The following UNC5D variants were observed in gnomAD, a reference collection of about 807,000 sequenced individuals.
UNC5D encodes the protein netrin receptor UNC5D.
UNC5D carries 39 observed loss-of-function variants against 105.4 expected under a neutral mutation model. The ratio of observed to expected loss-of-function variants is 0.37; its 90% CI spans 0.29 to 0.48. The LOEUF is 0.48. Among genes scored for constraint, UNC5D ranks in the 20% least tolerant of loss-of-function variants. The pLI is 0.98. For synonymous variants in UNC5D, 452 were observed against 450.4 expected (o/e 1.00, Z -0.04); for missense variants, 991 against 1,202.4 (o/e 0.82, Z 2.60).
intron 4 of UNC5D, among the ~76,000 whole-genome samples, chr8:35,667,097 C>CCAGAG (rs1326553904): frequency 6.6e-6 from 1 of 152,014 alleles, no homozygotes; most frequent in Non-Finnish European, 1.5e-5. Context: ...TCTTAGAGAT[C>CCAGAG]CAGAGCTTTA....
chr8:35,235,592 C>T lies in UNC5D; in HGVS notation c.-193C>T, dbSNP rs115017574. ...GCCGCGCCGTGGGAAGCTATGGGGA[C>T]GCGCCCTTTCTCGGGGTGCCCATTC... On this transcript the variant is annotated 5_prime_UTR_variant, in exon 1 of 17. The change creates a new upstream start codon in the 5' untranslated region. Transcript: ENST00000404895. The T allele has an allele frequency of 0.015, 6,075 of 407,900 alleles. 352 individuals are homozygous for T. The highest frequency in any genetic ancestry group is 0.12 in the African/African-American group (5,674 of 48,446). The allele number at this position is 407,900 out of a possible 1,614,324, so 25.3% of individuals were successfully genotyped here.
chr8:35,387,629 T>C (rs1162280027), intron 1 of UNC5D, among the ~76,000 whole-genome samples: 1 of 152,158 alleles, frequency 6.6e-6, no homozygotes, highest in Non-Finnish European at 1.5e-5. Flanking sequence ...CTACCCGTAT[T>C]TGACGCTCAG....
intron 1 of UNC5D, among the ~76,000 whole-genome samples, chr8:35,402,899 CCT>C (rs1804564150): frequency 6.6e-6 from 1 of 152,152 alleles, no homozygotes. Flanking sequence ...CATATTCGTG[CCT>C]ACCTTGGATC....
At chr8:35,760,572 G>A (rs1042404052) in intron 14 of UNC5D, among the ~76,000 whole-genome samples, 7 of 152,034 alleles carry the variant, frequency 4.6e-5, no homozygotes, top group Admixed American at 1.3e-4. Flanking sequence ...TACAGTAAGC[G>A]GCTAGCTAGC....
At chr8:35,765,965 GAGT>G (rs1801748043) in intron 14 of UNC5D, among the ~76,000 whole-genome samples, 1 of 152,188 alleles carries the variant, frequency 6.6e-6, no homozygotes, top group Admixed American at 6.5e-5. Context: ...AGCCACATTT[GAGT>G]AGAAAGGAGA....
intron 4 of UNC5D, among the ~76,000 whole-genome samples, chr8:35,618,319 AT>A (rs1821158031): frequency 6.6e-6 from 1 of 152,234 alleles, no homozygotes; most frequent in Non-Finnish European, 1.5e-5. Flanking sequence ...GATAATGCAC[AT>A]TGTACATTGG....
intron 1 of UNC5D, among the ~76,000 whole-genome samples, chr8:35,245,557 T>A (rs1228459666): frequency 6.6e-6 from 1 of 151,986 alleles, no homozygotes; most frequent in Non-Finnish European, 1.5e-5. Flanking sequence ...GATATAAGGG[T>A]TTGGGGGTTT....
intron 1 of UNC5D, among the ~76,000 whole-genome samples, chr8:35,375,749 A>G (rs748870650): frequency 2.0e-5 from 3 of 152,200 alleles, no homozygotes; most frequent in South Asian, 2.1e-4. Flanking sequence ...CTAAAGCTAT[A>G]AAGGAATTGT....
intron 1 of UNC5D, among the ~76,000 whole-genome samples, chr8:35,257,964 T>C (rs2128818581): frequency 1.3e-5 from 2 of 152,358 alleles, no homozygotes; most frequent in Non-Finnish European, 2.9e-5. Flanking sequence ...GTACATTTAT[T>C]GTATACACAT....
At chr8:35,241,851 C>A (rs1802826350) in intron 1 of UNC5D, among the ~76,000 whole-genome samples, 1 of 152,082 alleles carries the variant, frequency 6.6e-6, no homozygotes, top group South Asian at 2.1e-4. Context: ...GAATTGTTCT[C>A]TTTCAGCTAT....
chr8:35,503,643 G>A (rs187839347), intron 1 of UNC5D, among the ~76,000 whole-genome samples: 73 of 152,314 alleles, frequency 4.8e-4, no homozygotes, highest in African/African-American at 1.7e-3. Context: ...AAGAAGGAAG[G>A]AATGGAGGGT....
chr8:35,461,912 A>G (rs774216754), intron 1 of UNC5D, among the ~76,000 whole-genome samples: 22 of 152,192 alleles, frequency 1.4e-4, no homozygotes, highest in Non-Finnish European at 4.4e-5. Context: ...TTAGCAGTTC[A>G]GGCACAACCT....
In UNC5D at chr8:35,748,647, G is replaced by A. The variant is rs74472004; in HGVS notation, c.1887G>A (p.Glu629=). ...CGCACTGTGCAGATGTCAGTTCTGA[G>A]CATTGGAATATCCATTTAAAGAAGA... The part of the protein sequence containing the change: ...TIPHCADVSS[E]HWNIHLKKRT... The change falls in exon 12 of 17, where the codon GAG becomes GAA. Residue 629 remains glutamate, a synonymous_variant. Transcript: ENST00000404895. The A allele has an allele frequency of 8.7e-6, 14 of 1,613,982 alleles. No homozygotes were observed. The East Asian group carries it at 2.9e-4, about 33-fold the overall frequency.
At position 35,408,175 on chromosome 8, in the gene UNC5D, TAA is replaced by T. The variant is rs1264414265; in HGVS notation, c.104-141116_104-141115del. Reference sequence around the variant, plus strand: ...GTTATTAGTATTTGAATAAATGCAATAAGATCTATTTTAAACATGCTATGTGT... The same window carrying T: ...GTTATTAGTATTTGAATAAATGCAATGATCTATTTTAAACATGCTATGTGT... On this transcript the variant is annotated intron_variant, in intron 1 of 16. Coordinates refer to ENST00000404895, the MANE Select transcript of UNC5D (RefSeq NM_080872.4). Among the ~76,000 whole-genome samples, 4 of 152,124 alleles carry T rather than the reference TAA, an allele frequency of 2.6e-5. No homozygotes were observed. The East Asian group carries it at 7.7e-4, about 29-fold the overall frequency.
In UNC5D at chr8:35,774,594, A is replaced by G. The variant is rs550872846; in HGVS notation, c.2657+117A>G. The G allele has an allele frequency of 4.5e-6, 6 of 1,330,650 alleles. No individual in the cohort carries two copies. The African/African-American group carries it at 5.9e-5, about 13-fold the overall frequency. The allele number at this position is 1,330,650 out of a possible 1,614,324, so 82.4% of individuals were successfully genotyped here. On this transcript the variant is annotated intron_variant, in intron 16 of 16. Coordinates refer to ENST00000404895, the MANE Select transcript of UNC5D (RefSeq NM_080872.4). ...AATATTTTTATGAGTTCCTCTGGCC[A>G]TATTTCCTGTGTGTTCCCACTAAGT...
At chr8:35,627,914 G>A (rs1239880249) in intron 4 of UNC5D, among the ~76,000 whole-genome samples, 10 of 152,084 alleles carry the variant, frequency 6.6e-5, no homozygotes, top group Admixed American at 4.6e-4. Flanking sequence ...GTGACAGAGC[G>A]AGACTGTCTC....
intron 4 of UNC5D, among the ~76,000 whole-genome samples, chr8:35,654,267 G>A (rs1317498831): frequency 6.6e-6 from 1 of 152,156 alleles, no homozygotes; most frequent in Non-Finnish European, 1.5e-5. Flanking sequence ...ACTTTTTGGA[G>A]AATAGACTTT....
At chr8:35,411,046 T>A (rs1805130925) in intron 1 of UNC5D, among the ~76,000 whole-genome samples, 1 of 152,028 alleles carries the variant, frequency 6.6e-6, no homozygotes, top group African/African-American at 2.4e-5. Context: ...ATTTTATTTA[T>A]GTTATTCCTG....
chr8:35,436,203 C>T (rs111910203), intron 1 of UNC5D, among the ~76,000 whole-genome samples: 3,667 of 152,010 alleles, frequency 0.024, 151 homozygotes, highest in African/African-American at 0.085. Flanking sequence ...CATTTCTTCA[C>T]ATTATAGTTT....
Sources: gnomAD v4.1 joint callset for allele counts (sites outside exome capture counted in the v4.1 genomes callset) on GRCh38, gnomAD v4.1.1 for gene constraint, MANE v1.5 for transcripts, NCBI Gene and HGNC (gene_info 2026-07-23, HGNC 2026-07-21) for gene names.